The following GRIK2 variants were observed in gnomAD, a reference collection of about 807,000 sequenced individuals.
GRIK2 encodes glutamate receptor ionotropic, kainate 2.
Under a neutral mutation model 100.3 loss-of-function variants are expected in GRIK2, and 32 were observed. That is an observed-to-expected ratio of 0.32 (90% CI 0.24 to 0.43). GRIK2 has a LOEUF of 0.43. GRIK2 is among the 20% of genes least tolerant of loss of function. The probability of loss-of-function intolerance (pLI) is 1.00; values close to 1 mark genes in which losing one functional copy is unlikely to be tolerated. For synonymous variants in GRIK2, 417 were observed against 389.4 expected (o/e 1.07, Z -0.83); for missense variants, 843 against 1,114.9 (o/e 0.76, Z 3.47).
intron 13 of GRIK2, 26 bp downstream of exon 13, chr6:101,924,745 T>C (rs770115532): frequency 1.5e-6 from 2 of 1,377,614 alleles, no homozygotes; most frequent in Non-Finnish European, 2.1e-6. Context: ...TGCTATTTCC[T>C]TTGGGCACCA....
intron 9 of GRIK2, among the ~76,000 whole-genome samples, chr6:101,810,122 G>A (rs954286625): frequency 4.6e-5 from 7 of 151,440 alleles, no homozygotes; most frequent in African/African-American, 1.7e-4. Context: ...TAACATAATT[G>A]TAATTGATTG....
chr6:101,933,428 T>C (rs541591729), intron 14 of GRIK2, among the ~76,000 whole-genome samples: 1 of 152,022 alleles, frequency 6.6e-6, no homozygotes, highest in Non-Finnish European at 1.5e-5. Context: ...GCTGATACTT[T>C]GAACATTTTG....
chr6:101,818,872 T>C lies in GRIK2; in HGVS notation c.1317+389T>C, dbSNP rs536709508. ...TTTTATTTTCCGCAAATATATTTCA[T>C]AGGGCATGGCACTTATTTTTCAGAA... On this transcript the variant is annotated intron_variant, in intron 10 of 16. Coordinates refer to ENST00000369134, the MANE Select transcript of GRIK2 (RefSeq NM_021956.5). Among the ~76,000 whole-genome samples the C allele has an allele frequency of 2.0e-4, 31 of 152,266 alleles. 1 individual carries two copies. Among genetic ancestry groups the C allele is most frequent in the Middle Eastern group, 6.8e-3 (2 of 294 alleles).
intron 9 of GRIK2, among the ~76,000 whole-genome samples, chr6:101,808,567 T>C (rs1178357855): frequency 1.3e-5 from 2 of 151,980 alleles, no homozygotes; most frequent in East Asian, 3.9e-4. Context: ...TAAATTAAAA[T>C]TATTCTTGTG....
At chr6:101,664,512 G>T (rs1769865329) in intron 4 of GRIK2, among the ~76,000 whole-genome samples, 1 of 152,202 alleles carries the variant, frequency 6.6e-6, no homozygotes, top group Non-Finnish European at 1.5e-5. Context: ...AGAGAAAATT[G>T]AAATTAGCAT....
intron 12 of GRIK2, among the ~76,000 whole-genome samples, chr6:101,899,461 T>C (rs1411497661): frequency 1.3e-5 from 2 of 152,066 alleles, no homozygotes; most frequent in African/African-American, 4.8e-5. Context: ...AGTTATTTTT[T>C]CTATTTTATT....
At chr6:101,729,783 T>A (rs1255581262) in intron 7 of GRIK2, among the ~76,000 whole-genome samples, 2 of 152,030 alleles carry the variant, frequency 1.3e-5, no homozygotes, top group East Asian at 3.9e-4. Context: ...TGATATGTCC[T>A]GTTATTTGTA....
chr6:102,055,490 C>T lies in GRIK2; in HGVS notation c.2472C>T (p.Phe824=). ...ALGVQNIGGI[F]IVLAAGLVLS... ...GGGTTCAGAATATTGGTGGCATCTT[C>T]ATTGTTCTGGCAGCCGGCTTGGTGC... is the stretch of plus-strand genomic sequence containing the variant. Residue 824 remains phenylalanine (F), a synonymous_variant, in exon 16 of 17, where the codon TTC becomes TTT. Transcript: ENST00000369134. 3 of 1,613,694 alleles carry T rather than the reference C, an allele frequency of 1.9e-6. No individual in the cohort carries two copies. The highest frequency in any genetic ancestry group is 2.5e-6 in the Non-Finnish European group (3 of 1,179,708).
intron 7 of GRIK2, 146 bp from the exon 8 acceptor site, chr6:101,799,502 A>G: frequency 1.6e-6 from 1 of 626,336 alleles, no homozygotes; most frequent in Non-Finnish European, 2.9e-6. Flanking sequence ...GAACGAGAGC[A>G]TGTTAGAGAT....
chr6:101,827,313 A>C (rs975870356), intron 10 of GRIK2, among the ~76,000 whole-genome samples: 45 of 151,968 alleles, frequency 3.0e-4, no homozygotes, highest in African/African-American at 1.0e-3. Flanking sequence ...AAAGAAGAAA[A>C]TAAAAGAATT....
In GRIK2 at chr6:101,592,130, T is replaced by G. The variant is rs188816824; in HGVS notation, c.116-29819T>G. On this transcript the variant is annotated intron_variant, in intron 2 of 16. Coordinates refer to ENST00000369134, the MANE Select transcript of GRIK2 (RefSeq NM_021956.5). ...TCCTAATGCCCTCACTAGGAGCAGA[T>G]GCCAGCATCATGCTTCCTGTACAGC... 8.7e-3 allele frequency among the ~76,000 whole-genome samples: 1,317 copies of G among 152,148 alleles called. 11 individuals are homozygous for G. The highest frequency in any genetic ancestry group is 0.022 in the South Asian group (107 of 4,824).
intron 4 of GRIK2, among the ~76,000 whole-genome samples, chr6:101,631,369 G>A (rs1780736413): frequency 6.6e-6 from 1 of 151,988 alleles, no homozygotes; most frequent in Admixed American, 6.6e-5. Flanking sequence ...AAAAACTCTG[G>A]ACTGGTAAAC....
At chr6:101,449,876 G>A (rs1770578624) in intron 2 of GRIK2, among the ~76,000 whole-genome samples, 1 of 151,660 alleles carries the variant, frequency 6.6e-6, no homozygotes, top group Non-Finnish European at 1.5e-5. Context: ...GATTTTCTTG[G>A]AGTGTAGAGA....
At chr6:101,966,983 A>G (rs9498766) in intron 14 of GRIK2, among the ~76,000 whole-genome samples, 7,517 of 152,110 alleles carry the variant, frequency 0.049, 382 homozygotes, top group African/African-American at 0.12. Context: ...TGTAATATTA[A>G]GCTAAGTTTT....
At chr6:101,622,718 A>G (rs1245880826) in intron 3 of GRIK2, among the ~76,000 whole-genome samples, 1 of 152,040 alleles carries the variant, frequency 6.6e-6, no homozygotes, top group Non-Finnish European at 1.5e-5. Context: ...ATACTTTATG[A>G]GTTTTATTTT....
chr6:102,057,225 A>C (rs1448202356), intron 16 of GRIK2, among the ~76,000 whole-genome samples: 1 of 151,988 alleles, frequency 6.6e-6, no homozygotes, highest in Non-Finnish European at 1.5e-5. Context: ...CATATGTAAT[A>C]ATTTTCTTTA....
At chr6:101,954,491 A>G (rs925463246) in intron 14 of GRIK2, among the ~76,000 whole-genome samples, 5 of 152,078 alleles carry the variant, frequency 3.3e-5, no homozygotes, top group African/African-American at 1.2e-4. Flanking sequence ...AACAATTTTT[A>G]TAATTTCATT....
intron 4 of GRIK2, among the ~76,000 whole-genome samples, chr6:101,651,826 T>C (rs1781809387): frequency 6.6e-6 from 1 of 152,138 alleles, no homozygotes; most frequent in Admixed American, 6.6e-5. Flanking sequence ...GGGTCTGGGA[T>C]GAACTATTCA....
intron 7 of GRIK2, among the ~76,000 whole-genome samples, chr6:101,691,403 A>T (rs551047352): frequency 2.6e-4 from 39 of 151,216 alleles, no homozygotes; most frequent in Non-Finnish European, 5.0e-4. Context: ...GATTGCAGAG[A>T]TTCTTGCGCC....
Sources: gnomAD v4.1 joint callset for allele counts (sites outside exome capture counted in the v4.1 genomes callset) on GRCh38, gnomAD v4.1.1 for gene constraint, MANE v1.5 for transcripts, NCBI Gene and HGNC (gene_info 2026-07-23, HGNC 2026-07-21) for gene names.